The following CARMIL1 variants were observed in gnomAD, a reference collection of about 807,000 sequenced individuals.
The protein encoded by CARMIL1 is capping protein regulator and myosin 1 linker 1, also known as F-actin-uncapping protein LRRC16A.
A neutral mutation model predicts 177.1 loss-of-function variants in CARMIL1; 90 were observed. That is an observed-to-expected ratio of 0.51 (90% CI 0.43 to 0.61). The LOEUF is 0.61. CARMIL1 is among the 20% of genes least tolerant of loss of function. The pLI, the probability that CARMIL1 is intolerant of heterozygous loss-of-function variation, is 0.00. For synonymous variants in CARMIL1, 577 were observed against 606.2 expected (o/e 0.95, Z 0.71); for missense variants, 1,380 against 1,667.0 (o/e 0.83, Z 3.00).
At chr6:25,608,446 C>T (rs1816192878) in intron 35 of CARMIL1, among the ~76,000 whole-genome samples, 1 of 152,188 alleles carries the variant, frequency 6.6e-6, no homozygotes, top group African/African-American at 2.4e-5. Context: ...CAGGCATCCA[C>T]TGGAGGTCTT....
At chr6:25,286,092 C>T (rs1781503460) in intron 2 of CARMIL1, among the ~76,000 whole-genome samples, 1 of 152,166 alleles carries the variant, frequency 6.6e-6, no homozygotes, top group Non-Finnish European at 1.5e-5. Flanking sequence ...AGGCTGGTCT[C>T]AAACTCCTGG....
At chr6:25,402,883 T>C (rs2150587399) in intron 2 of CARMIL1, among the ~76,000 whole-genome samples, 1 of 152,306 alleles carries the variant, frequency 6.6e-6, no homozygotes, top group South Asian at 2.1e-4. Flanking sequence ...TCTCAGGTTA[T>C]ATATTATAGG....
chr6:25,347,338 A>G (rs1787621163), intron 2 of CARMIL1, among the ~76,000 whole-genome samples: 2 of 152,206 alleles, frequency 1.3e-5, no homozygotes, highest in Non-Finnish European at 2.9e-5. Context: ...TAGCCATGTG[A>G]TATTTTACCA....
chr6:25,349,675 G>A (rs1787906710), intron 2 of CARMIL1, among the ~76,000 whole-genome samples: 1 of 152,036 alleles, frequency 6.6e-6, no homozygotes, highest in Admixed American at 6.6e-5. Context: ...CTTCACCATG[G>A]GCAAGGATCC....
chr6:25,343,234 G>A (rs1251892235), intron 2 of CARMIL1, among the ~76,000 whole-genome samples: 1 of 151,894 alleles, frequency 6.6e-6, no homozygotes, highest in South Asian at 2.1e-4. Flanking sequence ...GCAGAATAGG[G>A]ATTAGAGAGG....
At chr6:25,451,352 T>G (rs997879016) in intron 8 of CARMIL1, among the ~76,000 whole-genome samples, 1 of 152,180 alleles carries the variant, frequency 6.6e-6, no homozygotes. Flanking sequence ...TTTAGAACAT[T>G]TTTTCAAGGA....
chr6:25,604,481 G>T (rs939539305), intron 33 of CARMIL1, among the ~76,000 whole-genome samples: 4 of 152,140 alleles, frequency 2.6e-5, no homozygotes, highest in African/African-American at 9.7e-5. Context: ...TGCAGAGCCT[G>T]CATAGGTGTT....
At chr6:25,416,604 A>G (rs954735903) in intron 2 of CARMIL1, among the ~76,000 whole-genome samples, 1 of 152,190 alleles carries the variant, frequency 6.6e-6, no homozygotes, top group African/African-American at 2.4e-5. Context: ...ACAGTTAAAT[A>G]TATTTTTATG....
chr6:25,279,661 C>T lies in CARMIL1; in HGVS notation c.-135C>T. The stretch of plus-strand genomic sequence containing the variant: ...GGGGCGCGCGGCAAAATTCTGTCTC[C>T]GCCCCCCCTTTTCTTGCCCACTTCC... On this transcript the variant is annotated 5_prime_UTR_variant, in exon 1 of 37. Coordinates refer to ENST00000329474, the MANE Select transcript of CARMIL1 (RefSeq NM_017640.6). The T allele has an allele frequency of 1.3e-6, 1 of 799,418 alleles. No individual in the cohort carries two copies. The highest frequency in any genetic ancestry group is 2.2e-6 in the Non-Finnish European group (1 of 455,912). 49.5% of individuals were successfully genotyped at this position (799,418 alleles called of 1,614,324 possible).
chr6:25,530,908 T>C (rs948458325), intron 24 of CARMIL1, among the ~76,000 whole-genome samples: 8 of 152,320 alleles, frequency 5.3e-5, no homozygotes, highest in Admixed American at 2.6e-4. Flanking sequence ...AGCTACATTT[T>C]AGAGGGTTTA....
At chr6:25,298,324 G>C (rs377655955) in intron 2 of CARMIL1, among the ~76,000 whole-genome samples, 5 of 152,228 alleles carry the variant, frequency 3.3e-5, no homozygotes, top group Admixed American at 2.6e-4. Context: ...ATGTCTTCCT[G>C]GCCCTGTACA....
chr6:25,591,568 A>G (rs1019625573), intron 31 of CARMIL1, among the ~76,000 whole-genome samples: 1 of 152,226 alleles, frequency 6.6e-6, no homozygotes, highest in Non-Finnish European at 1.5e-5. Context: ...AACTTCTGAT[A>G]ACTGTTTGTC....
intron 4 of CARMIL1, among the ~76,000 whole-genome samples, chr6:25,431,051 C>T (rs145843887): frequency 0.016 from 2,439 of 152,090 alleles, 48 homozygotes; most frequent in African/African-American, 0.046. Context: ...TTTTAGGGTA[C>T]ATGTGCACAA....
chr6:25,581,446 G>A lies in CARMIL1; in HGVS notation c.3006+7G>A. On this transcript the variant is annotated splice_region_variant and intron_variant, in intron 31 of 36. Transcript: ENST00000329474. Reference sequence around the variant, plus strand: ...GCAACCCACCCAAGCAGCGGTAGGTGGACTGCAGGAGAGGCCCCATCTCTC... The same window carrying A: ...GCAACCCACCCAAGCAGCGGTAGGTAGACTGCAGGAGAGGCCCCATCTCTC... The A allele has an allele frequency of 6.2e-7, 1 of 1,604,056 alleles. No homozygotes were observed. Among genetic ancestry groups the A allele is most frequent in the Non-Finnish European group, 8.5e-7 (1 of 1,174,794 alleles).
At position 25,358,059 on chromosome 6, in the gene CARMIL1, C is replaced by A. The variant is rs537585313; in HGVS notation, c.139-62055C>A. Among the ~76,000 whole-genome samples the A allele has an allele frequency of 1.1e-4, 17 of 152,276 alleles. No individual in the cohort carries two copies. The South Asian group carries it at 3.5e-3, about 32-fold the overall frequency. On this transcript the variant is annotated intron_variant, in intron 2 of 36. Coordinates refer to ENST00000329474, the MANE Select transcript of CARMIL1 (RefSeq NM_017640.6). The stretch of plus-strand genomic sequence containing the variant: ...AGGAGTACCACAGAAGTACCTCACA[C>A]GCATTTTAAAATAACTTTTCGGTAA...
chr6:25,454,631 G>A (rs1213958873), intron 8 of CARMIL1, among the ~76,000 whole-genome samples: 1 of 151,188 alleles, frequency 6.6e-6, no homozygotes, highest in Non-Finnish European at 1.5e-5. Context: ...AAAATAGATG[G>A]TATTCAAAAC....
intron 17 of CARMIL1, among the ~76,000 whole-genome samples, chr6:25,503,948 C>G (rs2151029653): frequency 6.6e-6 from 1 of 152,158 alleles, no homozygotes; most frequent in Middle Eastern, 3.4e-3. Flanking sequence ...GGTTGTCCTG[C>G]AGTTTCTGAT....
intron 30 of CARMIL1, 64 bp downstream of exon 30, chr6:25,581,054 G>T: frequency 6.7e-7 from 1 of 1,496,250 alleles, no homozygotes; most frequent in South Asian, 1.2e-5. Context: ...CAAGACCTTA[G>T]ACCATTTTAG....
intron 12 of CARMIL1, among the ~76,000 whole-genome samples, chr6:25,487,217 C>T (rs1454340707): frequency 6.6e-6 from 1 of 152,120 alleles, no homozygotes; most frequent in Non-Finnish European, 1.5e-5. Flanking sequence ...GTTCTAAGCT[C>T]ACAGCAGGGA....
Sources: allele counts gnomAD v4.1 joint callset (sites outside exome capture counted in the v4.1 genomes callset), GRCh38; gene constraint gnomAD v4.1.1; transcripts MANE v1.5; gene names NCBI Gene and HGNC (gene_info 2026-07-23, HGNC 2026-07-21).